Variants in PALM2AKAP2 observed in about 807,000 individuals in gnomAD.
The protein encoded by PALM2AKAP2 is PALM2 and AKAP2 fusion, also known as PALM2-AKAP2 fusion protein.
Under a neutral mutation model 71.5 loss-of-function variants are expected in PALM2AKAP2, and 37 were observed. That is an observed-to-expected ratio of 0.52 (90% CI 0.40 to 0.68). The LOEUF (loss-of-function observed/expected upper bound fraction) is 0.68. Ranked by LOEUF, PALM2AKAP2 falls within the 30% of genes least tolerant of loss-of-function variation. PALM2AKAP2 has a pLI of 0.00. For synonymous variants in PALM2AKAP2, 468 were observed against 478.8 expected (o/e 0.98, Z 0.29); for missense variants, 1,224 against 1,191.8 (o/e 1.03, Z -0.40).
At chr9:110,087,775 T>G (rs1834607278) in intron 1 of PALM2AKAP2, among the ~76,000 whole-genome samples, 1 of 152,196 alleles carries the variant, frequency 6.6e-6, no homozygotes, top group Non-Finnish European at 1.5e-5. Flanking sequence ...GTTCTAGGCA[T>G]GTAGGAGACA....
At chr9:110,143,912 G>A (rs1424500326) in intron 2 of PALM2AKAP2, among the ~76,000 whole-genome samples, 2 of 152,220 alleles carry the variant, frequency 1.3e-5, no homozygotes, top group African/African-American at 4.8e-5. Context: ...TTTGTAAGCT[G>A]TACAGGAAGT....
intron 3 of PALM2AKAP2, among the ~76,000 whole-genome samples, chr9:109,915,474 T>C (rs1174281405): frequency 6.6e-6 from 1 of 152,186 alleles, no homozygotes; most frequent in Non-Finnish European, 1.5e-5. Context: ...CATGGGAGGA[T>C]GTCAAGGATA....
intron 1 of PALM2AKAP2, among the ~76,000 whole-genome samples, chr9:109,790,216 C>G (rs1827078145): frequency 6.6e-6 from 1 of 152,088 alleles, no homozygotes; most frequent in Admixed American, 6.6e-5. Flanking sequence ...ACCCTGCAGG[C>G]TTTTAGGCTC....
At chr9:110,156,585 T>TG (rs1400626665) in intron 3 of PALM2AKAP2, 88 bp downstream of exon 9, 1 of 1,431,990 alleles carries the variant, frequency 7.0e-7, no homozygotes, top group Non-Finnish European at 9.2e-7. Flanking sequence ...CAAATGTGTA[T>TG]GTCGTTGTCT....
At chr9:110,110,027 C>A (rs1252191337) in intron 1 of PALM2AKAP2, among the ~76,000 whole-genome samples, 1 of 152,082 alleles carries the variant, frequency 6.6e-6, no homozygotes, top group Admixed American at 6.5e-5. Context: ...TATTGTACAA[C>A]ATGGTGACTA....
At chr9:109,896,190 A>G in intron 3 of PALM2AKAP2, among the ~76,000 whole-genome samples, 1 of 151,756 alleles carries the variant, frequency 6.6e-6, no homozygotes, top group Non-Finnish European at 1.5e-5. Flanking sequence ...CGTCTCAAAA[A>G]GAAAAAGAAA....
chr9:110,136,569 C>T, exon 2 of PALM2AKAP2: 1 of 1,613,486 alleles, frequency 6.2e-7, no homozygotes, highest in Non-Finnish European at 8.5e-7. Flanking sequence ...AGCCGGCAGG[C>T]ACCTCCTCAC....
chr9:109,806,992 G>A (rs1827593302), intron 1 of PALM2AKAP2, among the ~76,000 whole-genome samples: 1 of 152,204 alleles, frequency 6.6e-6, no homozygotes, highest in South Asian at 2.1e-4. Context: ...GTGGAAGCAG[G>A]GAGACTAGTT....
At chr9:109,839,715 T>C (rs1339198262) in intron 1 of PALM2AKAP2, among the ~76,000 whole-genome samples, 3 of 152,168 alleles carry the variant, frequency 2.0e-5, no homozygotes, top group Admixed American at 1.3e-4. Context: ...ACAAGCATTC[T>C]TATACACCAA....
At chr9:110,035,377 T>TTATATGTATAATAC (rs1285397785) in intron 7 of PALM2AKAP2, among the ~76,000 whole-genome samples, 1 of 140,314 alleles carries the variant, frequency 7.1e-6, no homozygotes, top group African/African-American at 2.8e-5. Context: ...ATTATATACA[T>TTATATGTATAATAC]ATATTATATG....
intron 3 of PALM2AKAP2, among the ~76,000 whole-genome samples, chr9:110,161,467 GT>G (rs1836593504): frequency 6.6e-6 from 1 of 152,102 alleles, no homozygotes; most frequent in African/African-American, 2.4e-5. Context: ...CAGTTCCTAA[GT>G]GCTCATACTA....
intron 3 of PALM2AKAP2, among the ~76,000 whole-genome samples, chr9:109,921,199 C>T (rs895342761): frequency 6.6e-6 from 1 of 152,180 alleles, no homozygotes; most frequent in Non-Finnish European, 1.5e-5. Flanking sequence ...CTGGGCCACA[C>T]CTTTGCGCAA....
chr9:110,058,347 G>T (rs947211957), intron 1 of PALM2AKAP2, among the ~76,000 whole-genome samples: 2 of 152,114 alleles, frequency 1.3e-5, no homozygotes, highest in African/African-American at 4.8e-5. Context: ...ATAATATCAG[G>T]GATGCAGTGG....
At chr9:109,954,865 C>T (rs918791858) in intron 6 of PALM2AKAP2, among the ~76,000 whole-genome samples, 1 of 151,982 alleles carries the variant, frequency 6.6e-6, no homozygotes, top group East Asian at 1.9e-4. Flanking sequence ...AGTATATTTC[C>T]GACTTCTCTT....
intron 1 of PALM2AKAP2, among the ~76,000 whole-genome samples, chr9:109,737,373 G>A (rs915666306): frequency 1.3e-5 from 2 of 152,240 alleles, no homozygotes; most frequent in Non-Finnish European, 2.9e-5. Context: ...CATGGGAGGT[G>A]ACTAACAAAC....
chr9:109,886,242 T>C (rs1219081290), intron 3 of PALM2AKAP2, among the ~76,000 whole-genome samples: 1 of 152,152 alleles, frequency 6.6e-6, no homozygotes, highest in Non-Finnish European at 1.5e-5. Context: ...CGTGCCATTA[T>C]TGTGTGTGGT....
chr9:109,695,958 G>T (rs996032241), intron 1 of PALM2AKAP2, among the ~76,000 whole-genome samples: 5 of 152,092 alleles, frequency 3.3e-5, no homozygotes, highest in Non-Finnish European at 7.4e-5. Flanking sequence ...TAAAACACTA[G>T]GGAGACTATA....
intron 6 of PALM2AKAP2, among the ~76,000 whole-genome samples, chr9:109,971,995 G>A (rs1051734716): frequency 3.3e-5 from 5 of 152,114 alleles, no homozygotes; most frequent in East Asian, 1.9e-4. Context: ...ACCAGAGTTC[G>A]TCTCTCATCT....
At chr9:109,938,514 A>G (rs1831283224) in intron 6 of PALM2AKAP2, among the ~76,000 whole-genome samples, 1 of 152,090 alleles carries the variant, frequency 6.6e-6, no homozygotes, top group Non-Finnish European at 1.5e-5. Context: ...TTATTATAAA[A>G]TTATATTAAA....
Sources: gnomAD v4.1 joint callset for allele counts (sites outside exome capture counted in the v4.1 genomes callset) on GRCh38, gnomAD v4.1.1 for gene constraint, MANE v1.5 for transcripts, NCBI Gene and HGNC (gene_info 2026-07-23, HGNC 2026-07-21) for gene names.